The following TEK variants were observed in gnomAD, a reference collection of about 807,000 sequenced individuals.
The protein encoded by TEK is angiopoietin-1 receptor.
Under a neutral mutation model 131.8 loss-of-function variants are expected in TEK, and 43 were observed. The ratio of observed to expected loss-of-function variants is 0.33; its 90% CI spans 0.26 to 0.42. The LOEUF is 0.42. Among genes scored for constraint, TEK ranks in the 10% least tolerant of loss-of-function variants. The probability of loss-of-function intolerance (pLI) is 1.00; values close to 1 mark genes in which losing one functional copy is unlikely to be tolerated. For missense variants in TEK, 1,162 were observed against 1,384.4 expected (o/e 0.84, Z 2.55); for synonymous variants, 580 against 491.6 (o/e 1.18, Z -2.38).
intron 1 of TEK, among the ~76,000 whole-genome samples, chr9:27,114,494 C>G (rs907658181): frequency 4.6e-5 from 7 of 151,864 alleles, no homozygotes; most frequent in African/African-American, 1.5e-4. Flanking sequence ...TCTCTTAAAC[C>G]AGGGAGGCAG....
At chr9:27,195,590 C>T (rs764783369) in intron 11 of TEK, 41 of 454,562 alleles carry the variant, frequency 9.0e-5, no homozygotes, top group Admixed American at 1.4e-4. Flanking sequence ...CTCTATCCTA[C>T]GTTTTGGAAG....
At chr9:27,130,461 G>C (rs1822165665) in intron 1 of TEK, among the ~76,000 whole-genome samples, 1 of 151,884 alleles carries the variant, frequency 6.6e-6, no homozygotes, top group Admixed American at 6.6e-5. Context: ...TTTTCATATG[G>C]GAAGGACTTT....
At chr9:27,178,592 A>T (rs1365404592) in intron 6 of TEK, among the ~76,000 whole-genome samples, 2 of 152,200 alleles carry the variant, frequency 1.3e-5, no homozygotes, top group East Asian at 3.9e-4. Context: ...AGCTGGGTGA[A>T]TAAAATACAA....
At chr9:27,110,468 A>C (rs1476038323) in intron 1 of TEK, among the ~76,000 whole-genome samples, 1 of 152,216 alleles carries the variant, frequency 6.6e-6, no homozygotes, top group East Asian at 1.9e-4. Context: ...GGCAGTATCC[A>C]AACCTGAACT....
chr9:27,135,030 G>T (rs1376381082), intron 1 of TEK, among the ~76,000 whole-genome samples: 5 of 152,128 alleles, frequency 3.3e-5, no homozygotes, highest in African/African-American at 1.2e-4. Context: ...TTGAAGACCA[G>T]CCTGCCCAAC....
intron 5 of TEK, among the ~76,000 whole-genome samples, 183 bp downstream of exon 5, chr9:27,172,930 G>A (rs189545756): frequency 1.1e-4 from 16 of 152,232 alleles, no homozygotes; most frequent in African/African-American, 3.9e-4. Context: ...CCAACCACTG[G>A]AAAGTTATAA....
chr9:27,213,729 G>A (rs1825716572), intron 18 of TEK, 132 bp downstream of exon 18: 4 of 715,514 alleles, frequency 5.6e-6, no homozygotes, highest in South Asian at 1.5e-5. Flanking sequence ...GATACTGTGT[G>A]CCCTGGGAAA....
chr9:27,224,358 CAATA>C (rs879695927), intron 21 of TEK, among the ~76,000 whole-genome samples: 83 of 152,160 alleles, frequency 5.5e-4, no homozygotes, highest in Admixed American at 2.6e-3. Flanking sequence ...CGAAAATTCT[CAATA>C]AAATACTGGG....
chr9:27,119,951 C>T (rs664983), intron 1 of TEK, among the ~76,000 whole-genome samples: 101,162 of 151,918 alleles, frequency 0.67, 34,077 homozygotes, highest in East Asian at 0.92. Context: ...TAGCTCTCCC[C>T]CCATTTCAGC....
At position 27,173,082 on chromosome 9, in the gene TEK, G is replaced by A. The variant is rs3824409; in HGVS notation, c.761-140G>A. On this transcript the variant is annotated intron_variant, in intron 5 of 22. Coordinates refer to ENST00000380036, the MANE Select transcript of TEK (RefSeq NM_000459.5). Reference sequence around the variant, plus strand: ...ATTATCAGTAAAATGGGCCATAAGGGTATGTTCATCCTACCATGCCACAGC... The same window carrying A: ...ATTATCAGTAAAATGGGCCATAAGGATATGTTCATCCTACCATGCCACAGC... 55,009 of 1,091,164 alleles carry A rather than the reference G, an allele frequency of 0.05. 1,778 individuals are homozygous for A. Among genetic ancestry groups the A allele is most frequent in the Middle Eastern group, 0.11 (505 of 4,588 alleles). The allele number at this position is 1,091,164 out of a possible 1,614,324, so 67.6% of individuals were successfully genotyped here.
intron 1 of TEK, among the ~76,000 whole-genome samples, chr9:27,125,870 A>T (rs1821966997): frequency 1.3e-5 from 2 of 151,938 alleles, no homozygotes; most frequent in African/African-American, 2.4e-5. Context: ...AACACATCTC[A>T]TTTCTTTCCA....
At chr9:27,195,934 G>T (rs1278611250) in intron 11 of TEK, among the ~76,000 whole-genome samples, 1 of 152,166 alleles carries the variant, frequency 6.6e-6, no homozygotes, top group Non-Finnish European at 1.5e-5. Context: ...GGTAGCCCAG[G>T]CTCCTGTGGG....
At chr9:27,208,642 G>A (rs1321518306) in intron 15 of TEK, among the ~76,000 whole-genome samples, 1 of 152,196 alleles carries the variant, frequency 6.6e-6, no homozygotes. Context: ...TGCATTATTG[G>A]TGATGTTTCA....
intron 1 of TEK, among the ~76,000 whole-genome samples, chr9:27,128,744 G>A (rs918377889): frequency 2.6e-5 from 4 of 151,948 alleles, no homozygotes; most frequent in African/African-American, 4.8e-5. Flanking sequence ...TGGCAATTGT[G>A]AATGGGAGCT....
In TEK at chr9:27,220,125, C is replaced by T. The variant is rs369172187; in HGVS notation, c.3180C>T (p.Pro1060=). 2.5e-6 allele frequency: 4 copies of T among 1,613,876 alleles called. No homozygotes were observed. The highest frequency in any genetic ancestry group is 1.7e-4 in the Middle Eastern group (1 of 5,936). The change falls in exon 21 of 23, where the codon CCC becomes CCT. Residue 1060 remains proline, a synonymous_variant. Coordinates refer to ENST00000380036, the MANE Select transcript of TEK (RefSeq NM_000459.5). The part of the protein sequence containing the change: ...KLPQGYRLEK[P]LNCDDEVYDL... ...CCCAGGGCTACAGACTGGAGAAGCC[C>T]CTGAACTGTGATGATGAGGTGTAAG...
intron 1 of TEK, among the ~76,000 whole-genome samples, chr9:27,145,761 G>T (rs1279737647): frequency 1.3e-5 from 2 of 152,226 alleles, no homozygotes. Flanking sequence ...GTCAAACACA[G>T]TGCTTGGTGC....
intron 4 of TEK, among the ~76,000 whole-genome samples, chr9:27,171,873 G>A (rs552288920): frequency 6.6e-6 from 1 of 152,258 alleles, no homozygotes; most frequent in Non-Finnish European, 1.5e-5. Context: ...TGAATGTCAA[G>A]GAAGCAATTT....
intron 4 of TEK, among the ~76,000 whole-genome samples, chr9:27,171,908 C>A (rs1823973589): frequency 6.6e-6 from 1 of 152,132 alleles, no homozygotes; most frequent in Non-Finnish European, 1.5e-5. Context: ...TAGCTAGTTT[C>A]TCTGGAGTCT....
chr9:27,133,544 T>G (rs977780923), intron 1 of TEK, among the ~76,000 whole-genome samples: 6 of 152,222 alleles, frequency 3.9e-5, no homozygotes, highest in African/African-American at 1.4e-4. Flanking sequence ...TGAAAGCCAG[T>G]GTCCTCCACT....
Sources: gnomAD v4.1 joint callset for allele counts (sites outside exome capture counted in the v4.1 genomes callset) on GRCh38, gnomAD v4.1.1 for gene constraint, MANE v1.5 for transcripts, NCBI Gene and HGNC (gene_info 2026-07-23, HGNC 2026-07-21) for gene names.